RBFOX1: variants seen among roughly 807,000 people sequenced by gnomAD.
RBFOX1 encodes RNA binding fox-1 homolog 1, also known as RNA binding protein fox-1 homolog 1.
RBFOX1 carries 8 observed loss-of-function variants against 57.7 expected under a neutral mutation model. The ratio of observed to expected loss-of-function variants is 0.14; its 90% CI spans 0.08 to 0.25. RBFOX1 has a LOEUF of 0.25. RBFOX1 is among the 10% of genes least tolerant of loss of function. The pLI is 1.00. For synonymous variants in RBFOX1, 326 were observed against 222.4 expected, an observed-to-expected ratio of 1.47 and a Z score of -4.15; for missense variants, 611 against 548.5, an observed-to-expected ratio of 1.11 and a Z score of -1.14.
At chr16:5,841,199 A>G (rs984743576) in intron 3 of RBFOX1, among the ~76,000 whole-genome samples, 3 of 152,208 alleles carry the variant, frequency 2.0e-5, no homozygotes, top group Non-Finnish European at 2.9e-5. Context: ...TACTGTTATC[A>G]CCACCAATCC....
intron 3 of RBFOX1, among the ~76,000 whole-genome samples, chr16:6,922,247 G>A (rs1011185073): frequency 6.6e-6 from 1 of 152,140 alleles, no homozygotes; most frequent in African/African-American, 2.4e-5. Flanking sequence ...ATCTCAGAAA[G>A]ACCTGAGCAT....
intron 14 of RBFOX1, among the ~76,000 whole-genome samples, chr16:7,705,872 C>CTGAT (rs1190182314): frequency 6.6e-6 from 1 of 152,164 alleles, no homozygotes; most frequent in African/African-American, 2.4e-5. Context: ...TCCGAAATTA[C>CTGAT]TGATGGATGG....
chr16:6,203,836 G>A (rs1301789771), intron 1 of RBFOX1, among the ~76,000 whole-genome samples: 1 of 152,142 alleles, frequency 6.6e-6, no homozygotes, highest in Admixed American at 6.5e-5. Context: ...TGATGCAGCA[G>A]TCTCACTTCT....
intron 2 of RBFOX1, among the ~76,000 whole-genome samples, chr16:6,385,754 T>G (rs973015927): frequency 2.0e-5 from 3 of 152,202 alleles, no homozygotes; most frequent in Non-Finnish European, 4.4e-5. Flanking sequence ...ATGCGTCACG[T>G]CTACACATCG....
At chr16:5,875,989 C>G (rs6500730) in intron 4 of RBFOX1, among the ~76,000 whole-genome samples, 22,385 of 151,740 alleles carry the variant, frequency 0.15, 2,021 homozygotes, top group Non-Finnish European at 0.2. Flanking sequence ...GACTACAGGC[C>G]CCCGACAGCA....
chr16:6,793,684 A>G (rs987071021), intron 3 of RBFOX1, among the ~76,000 whole-genome samples: 7 of 152,202 alleles, frequency 4.6e-5, no homozygotes, highest in African/African-American at 1.4e-4. Context: ...AGGAAATGAA[A>G]ACAGTGCATT....
At chr16:5,990,681 A>C (rs2060377449) in intron 4 of RBFOX1, among the ~76,000 whole-genome samples, 1 of 152,168 alleles carries the variant, frequency 6.6e-6, no homozygotes, top group African/African-American at 2.4e-5. Flanking sequence ...GAGGAAGTGA[A>C]TTTGGGCCAG....
chr16:5,467,240 C>G, exon 2 of RBFOX1: 1 of 1,501,350 alleles, frequency 6.7e-7, no homozygotes, highest in Non-Finnish European at 9.0e-7. Context: ...GCCATACAGC[C>G]TGGTTGAGGG....
chr16:6,082,462 C>T (rs2096018220), intron 1 of RBFOX1, among the ~76,000 whole-genome samples: 1 of 148,832 alleles, frequency 6.7e-6, no homozygotes, highest in African/African-American at 2.5e-5. Flanking sequence ...AGCCACCGTG[C>T]CCAGCCTCCA....
intron 4 of RBFOX1, among the ~76,000 whole-genome samples, chr16:7,057,720 C>T (rs552437798): frequency 1.8e-4 from 27 of 152,252 alleles, no homozygotes; most frequent in African/African-American, 6.5e-4. Flanking sequence ...TAAATAACAC[C>T]ATAGATGCCG....
chr16:6,290,599 T>C (rs771619856), intron 1 of RBFOX1, among the ~76,000 whole-genome samples: 5 of 150,932 alleles, frequency 3.3e-5, no homozygotes, highest in Non-Finnish European at 5.9e-5. Flanking sequence ...ATGGACAACA[T>C]AGCGGTCATC....
chr16:6,560,557 G>GGAAT (rs1196935704), intron 2 of RBFOX1, among the ~76,000 whole-genome samples: 1 of 152,146 alleles, frequency 6.6e-6, no homozygotes, highest in Non-Finnish European at 1.5e-5. Flanking sequence ...AAAATAGCAG[G>GGAAT]GAATGAGTTG....
At chr16:5,296,741 C>T (rs964015537) in intron 1 of RBFOX1, among the ~76,000 whole-genome samples, 1 of 151,024 alleles carries the variant, frequency 6.6e-6, no homozygotes, top group East Asian at 1.9e-4. Context: ...TGCAGTGGCG[C>T]GATCCTGCCT....
At chr16:6,523,256 A>G (rs1273291858) in intron 2 of RBFOX1, among the ~76,000 whole-genome samples, 2 of 152,082 alleles carry the variant, frequency 1.3e-5, no homozygotes, top group East Asian at 3.9e-4. Context: ...GAGGGAAGGA[A>G]GAGAAGAAGG....
At chr16:5,312,993 T>G (rs1261923785) in intron 1 of RBFOX1, among the ~76,000 whole-genome samples, 2 of 152,188 alleles carry the variant, frequency 1.3e-5, no homozygotes, top group African/African-American at 2.4e-5. Context: ...GTGCCTTTTT[T>G]TTCCAGGCAC....
intron 3 of RBFOX1, among the ~76,000 whole-genome samples, chr16:6,947,963 G>A (rs148425434): frequency 6.6e-6 from 1 of 151,936 alleles, no homozygotes; most frequent in Non-Finnish European, 1.5e-5. Context: ...TTTTTAAATA[G>A]AGACAGGCTC....
At chr16:5,859,335 C>T (rs897907803) in intron 3 of RBFOX1, among the ~76,000 whole-genome samples, 1 of 152,206 alleles carries the variant, frequency 6.6e-6, no homozygotes, top group Non-Finnish European at 1.5e-5. Flanking sequence ...CTTGAACTCA[C>T]AAAACCACAG....
At chr16:7,482,015 G>A (rs2064079564) in intron 4 of RBFOX1, among the ~76,000 whole-genome samples, 1 of 152,250 alleles carries the variant, frequency 6.6e-6, no homozygotes, top group African/African-American at 2.4e-5. Context: ...CCATTGTAAA[G>A]TCGAAAAGTC....
chr16:6,622,143 A>G (rs995873091), intron 2 of RBFOX1, among the ~76,000 whole-genome samples: 1 of 152,166 alleles, frequency 6.6e-6, no homozygotes, highest in Admixed American at 6.5e-5. Context: ...TTCCTTAAGT[A>G]CTTTATTGAA....
Sources: allele counts gnomAD v4.1 joint callset (sites outside exome capture counted in the v4.1 genomes callset), GRCh38; gene constraint gnomAD v4.1.1; transcripts MANE v1.5; gene names NCBI Gene and HGNC (gene_info 2026-07-23, HGNC 2026-07-21).